Variants in AVPR1A observed in about 807,000 individuals in gnomAD.
The protein encoded by AVPR1A is vasopressin V1a receptor.
A neutral mutation model predicts 31.5 loss-of-function variants in AVPR1A; 31 were observed. The observed-to-expected ratio is 0.99, with a 90% CI of 0.74 to 1.33. The LOEUF (loss-of-function observed/expected upper bound fraction) is 1.33. AVPR1A is among the 40% of genes most tolerant of loss of function. The pLI, the probability that AVPR1A is intolerant of heterozygous loss-of-function variation, is 0.00. For synonymous variants in AVPR1A, 243 were observed against 233.2 expected, an observed-to-expected ratio of 1.04 and a Z score of -0.38; for missense variants, 570 against 575.2, an observed-to-expected ratio of 0.99 and a Z score of 0.09.
In AVPR1A at chr12:63,147,589, A is replaced by G; in HGVS notation, c.1027T>C (p.Cys343Arg). The change falls in exon 2 of 2, where the codon TGT becomes CGT. Residue 343 changes from cysteine to arginine, a missense_variant. Coordinates refer to ENST00000299178, the MANE Select transcript of AVPR1A (RefSeq NM_000706.5). ...TALLGSLNSC[C>R]NPWIYMFFSG... is the part of the protein sequence containing the mutation. ...AAAAACATGTATATCCAGGGATTAC[A>G]GCAGCTATTCAAGGAACCCAGTAAT... 1 of 1,614,150 alleles carries G rather than the reference A, an allele frequency of 6.2e-7. No homozygotes were observed. Among genetic ancestry groups the G allele is most frequent in the Non-Finnish European group, 8.5e-7 (1 of 1,179,974 alleles).
At position 63,151,037 on chromosome 12, in the gene AVPR1A, G is replaced by A; in HGVS notation, c.-201C>T. The A allele has an allele frequency of 4.1e-6, 3 of 738,072 alleles. No homozygotes were observed. Among genetic ancestry groups the A allele is most frequent in the East Asian group, 2.9e-5 (1 of 34,914 alleles). 45.7% of individuals were successfully genotyped at this position (738,072 alleles called of 1,614,324 possible). A position where few individuals can be genotyped will look rare whatever the true frequency, so the allele number is the denominator to read the frequency against. ...TGCCCACTGAGCAGCTCTCAGCAGGGTGAGCTGGCCCCTCTCCCTGCTCTG... is the reference window on the plus strand; with the variant it reads ...TGCCCACTGAGCAGCTCTCAGCAGGATGAGCTGGCCCCTCTCCCTGCTCTG... On this transcript the variant is annotated 5_prime_UTR_variant, in exon 1 of 2. Coordinates refer to ENST00000299178, the MANE Select transcript of AVPR1A (RefSeq NM_000706.5).
In AVPR1A at chr12:63,143,316, A is replaced by G. The variant is rs1355113941; in HGVS notation, c.*4043T>C. On this transcript the variant is annotated 3_prime_UTR_variant, in exon 2 of 2. Coordinates refer to ENST00000299178, the MANE Select transcript of AVPR1A (RefSeq NM_000706.5). ...TGTAAAAATGTGGGTATATACATACAAAAATACATAAAACTAAAAAGCAAA... is the reference window on the plus strand; with the variant it reads ...TGTAAAAATGTGGGTATATACATACGAAAATACATAAAACTAAAAAGCAAA... 1.3e-5 allele frequency: 2 copies of G among 152,130 alleles called. No homozygotes were observed. The highest frequency in any genetic ancestry group is 4.8e-5 in the African/African-American group (2 of 41,460). The allele number at this position is 152,130 out of a possible 1,614,324, so 9.4% of individuals were successfully genotyped here. A position where few individuals can be genotyped will look rare whatever the true frequency, so the allele number is the denominator to read the frequency against.
At chr12:63,147,703 T>C in intron 1 of AVPR1A, 58 bp from the exon 2 acceptor site, 1 of 1,529,200 alleles carries the variant, frequency 6.5e-7, no homozygotes, top group East Asian at 2.3e-5. Flanking sequence ...GATAAACTCA[T>C]TTTTCTATTA....
chr12:63,143,500 A>G lies in AVPR1A; in HGVS notation c.*3859T>C, dbSNP rs912707140. 6.6e-6 allele frequency: 1 copy of G among 152,204 alleles called. No individual in the cohort carries two copies. Among genetic ancestry groups the G allele is most frequent in the Non-Finnish European group, 1.5e-5 (1 of 68,030 alleles). The allele number at this position is 152,204 out of a possible 1,614,324, so 9.4% of individuals were successfully genotyped here. A position where few individuals can be genotyped will look rare whatever the true frequency, so the allele number is the denominator to read the frequency against. On this transcript the variant is annotated 3_prime_UTR_variant, in exon 2 of 2. Transcript: ENST00000299178. The stretch of plus-strand genomic sequence containing the variant: ...GGAATCTTAAAATGTGTGTGATTCG[A>G]ACCATTTACACTGTCTTAAGCACTC...
Position 63,145,314 on chromosome 12 carries a change from G to T in AVPR1A, c.*2045C>A, listed in dbSNP as rs1303771854. 2.2e-6 allele frequency: 1 copy of T among 450,646 alleles called. No homozygotes were observed. 27.9% of individuals were successfully genotyped at this position (450,646 alleles called of 1,614,324 possible). ...AGCCTAAGGGCTGAGAATTTCAAAA[G>T]GCAGAAGAATGAAGAGGAGTGAAGT... On this transcript the variant is annotated 3_prime_UTR_variant, in exon 2 of 2. Transcript: ENST00000299178.
chr12:63,147,266 T>G lies in AVPR1A; in HGVS notation c.*93A>C. 1 of 1,398,726 alleles carries G rather than the reference T, an allele frequency of 7.1e-7. No individual in the cohort carries two copies. The highest frequency in any genetic ancestry group is 2.0e-5 in the Admixed American group (1 of 51,144). The allele number at this position is 1,398,726 out of a possible 1,614,324, so 86.6% of individuals were successfully genotyped here. A position where few individuals can be genotyped will look rare whatever the true frequency, so the allele number is the denominator to read the frequency against. ...ACAATGAATTGATTTATGGTTATAT[T>G]AATAAAGTGTATTTGTTCTTGTGAT... On this transcript the variant is annotated 3_prime_UTR_variant, in exon 2 of 2. Transcript: ENST00000299178.
chr12:63,147,737 C>G, intron 1 of AVPR1A, 92 bp from the exon 2 acceptor site: 1 of 1,330,584 alleles, frequency 7.5e-7, no homozygotes, highest in South Asian at 1.5e-5. Context: ...GCATAAACTT[C>G]TGGATTATCA....
chr12:63,146,436 G>A lies in AVPR1A; in HGVS notation c.*923C>T, dbSNP rs1023177967. 2 of 152,152 alleles carry A rather than the reference G, an allele frequency of 1.3e-5. No homozygotes were observed. The highest frequency in any genetic ancestry group is 4.8e-5 in the African/African-American group (2 of 41,430). The allele number at this position is 152,152 out of a possible 1,614,324, so 9.4% of individuals were successfully genotyped here. ...TTTAGGATACTCATATTATGAATCT[G>A]AATTCCCCAAACATGAAGATAATGA... On this transcript the variant is annotated 3_prime_UTR_variant, in exon 2 of 2. Coordinates refer to ENST00000299178, the MANE Select transcript of AVPR1A (RefSeq NM_000706.5).
intron 1 of AVPR1A, among the ~76,000 whole-genome samples, chr12:63,147,846 A>C (rs934425324): frequency 9.5e-4 from 145 of 152,316 alleles, no homozygotes; most frequent in African/African-American, 3.2e-3. Flanking sequence ...CCTTAAAATT[A>C]ATTCAAGTAT....
At position 63,149,342 on chromosome 12, in the gene AVPR1A, ATC is replaced by A. The variant is rs539052637; in HGVS notation, c.970+523_970+524del. ...TCTCCAGCTTTCTTTAGAAATATAT[ATC>A]TGTTTCTATCCTTGCCCCTGAGGCA... On this transcript the variant is annotated intron_variant, in intron 1 of 1. Coordinates refer to ENST00000299178, the MANE Select transcript of AVPR1A (RefSeq NM_000706.5). Among the ~76,000 whole-genome samples the A allele has an allele frequency of 5.0e-3, 767 of 152,308 alleles. 21 individuals carry two copies. In the South Asian group the frequency reaches 0.052, roughly 10 times the overall value.
Position 63,150,176 on chromosome 12 carries a change from T to C in AVPR1A, c.661A>G (p.Thr221Ala). The C allele has an allele frequency of 6.2e-7, 1 of 1,613,884 alleles. No homozygotes were observed. Among genetic ancestry groups the C allele is most frequent in the Non-Finnish European group, 8.5e-7 (1 of 1,180,028 alleles). ...WGSRAYVTWM[T>A]GGIFVAPVVI... ...ACGGGCGCCACAAAGATGCCGCCCGTCATCCAGGTCACGTAGGCACGAGAA... is the reference window on the plus strand; with the variant it reads ...ACGGGCGCCACAAAGATGCCGCCCGCCATCCAGGTCACGTAGGCACGAGAA... Residue 221 changes from threonine (T) to alanine (A), a missense_variant, in exon 1 of 2, where the codon ACG (threonine) becomes GCG (alanine). By Grantham distance (58) the Thr-to-Ala change is moderately conservative. Transcript: ENST00000299178. This position sits in a 1 kb window ranked among gnomAD's most constrained non-coding sequence, Gnocchi z 4.9.
chr12:63,143,807 C>G lies in AVPR1A; in HGVS notation c.*3552G>C, dbSNP rs1053413646. The G allele has an allele frequency of 2.0e-5, 3 of 152,144 alleles. No homozygotes were observed. Among genetic ancestry groups the G allele is most frequent in the Non-Finnish European group, 4.4e-5 (3 of 68,030 alleles). The allele number at this position is 152,144 out of a possible 1,614,324, so 9.4% of individuals were successfully genotyped here. ...TCCAATATGAATAACCATAAGGCTC[C>G]AATTAACATGGGTTTGTCTAACCTC... On this transcript the variant is annotated 3_prime_UTR_variant, in exon 2 of 2. Transcript: ENST00000299178.
chr12:63,148,464 T>C (rs1458332516), intron 1 of AVPR1A, among the ~76,000 whole-genome samples: 2 of 152,194 alleles, frequency 1.3e-5, no homozygotes, highest in Non-Finnish European at 2.9e-5. Flanking sequence ...AGGTTATTAT[T>C]TAATCATACT....
At position 63,147,190 on chromosome 12, in the gene AVPR1A, T is replaced by C; in HGVS notation, c.*169A>G. The C allele has an allele frequency of 2.7e-6, 2 of 731,564 alleles. No individual in the cohort carries two copies. Among genetic ancestry groups the C allele is most frequent in the East Asian group, 2.7e-5 (1 of 36,858 alleles). 45.3% of individuals were successfully genotyped at this position (731,564 alleles called of 1,614,324 possible). A position where few individuals can be genotyped will look rare whatever the true frequency, so the allele number is the denominator to read the frequency against. ...CATTAATATTCCATACAAAATAATGTCTAGTTTTTGGTAGCAATATGAAAA... is the reference window on the plus strand; with the variant it reads ...CATTAATATTCCATACAAAATAATGCCTAGTTTTTGGTAGCAATATGAAAA... On this transcript the variant is annotated 3_prime_UTR_variant, in exon 2 of 2. Transcript: ENST00000299178.
At position 63,150,729 on chromosome 12, in the gene AVPR1A, C is replaced by T; in HGVS notation, c.108G>A (p.Gly36=). The change falls in exon 1 of 2, where the codon GGG becomes GGA. Residue 36 remains glycine, a synonymous_variant. Coordinates refer to ENST00000299178, the MANE Select transcript of AVPR1A (RefSeq NM_000706.5). This position sits in a 1 kb window ranked among gnomAD's most constrained non-coding sequence, Gnocchi z 4.9. The stretch of plus-strand genomic sequence containing the variant: ...CGTCCCTCGGTGGGCCGTTGCCCTC[C>T]CCGAGGGCTTCGGCCTCCCGGCTTG... The part of the protein sequence containing the change: ...GNTSREAEAL[G]EGNGPPRDVR... The T allele has an allele frequency of 1.2e-6, 2 of 1,603,358 alleles. No individual in the cohort carries two copies. The highest frequency in any genetic ancestry group is 1.7e-6 in the Non-Finnish European group (2 of 1,179,750).
rs1868359597 is a variant in AVPR1A, at chr12:63,146,348, G to T, written c.*1011C>A. Reference sequence around the variant, plus strand: ...CTTTGCAATTGTTAGATGAGTGAGAGATTGGAAAGACAAAGCTATTTTTAA... The same window carrying T: ...CTTTGCAATTGTTAGATGAGTGAGATATTGGAAAGACAAAGCTATTTTTAA... On this transcript the variant is annotated 3_prime_UTR_variant, in exon 2 of 2. Transcript: ENST00000299178. 6.6e-6 allele frequency: 1 copy of T among 152,176 alleles called. No individual in the cohort carries two copies. The highest frequency in any genetic ancestry group is 1.5e-5 in the Non-Finnish European group (1 of 68,034). The allele number at this position is 152,176 out of a possible 1,614,324, so 9.4% of individuals were successfully genotyped here. A position where few individuals can be genotyped will look rare whatever the true frequency, so the allele number is the denominator to read the frequency against.
rs999134421 is a variant in AVPR1A, at chr12:63,147,039, G to A, written c.*320C>T. 1.2e-5 allele frequency: 3 copies of A among 248,462 alleles called. No homozygotes were observed. The highest frequency in any genetic ancestry group is 1.9e-4 in the South Asian group (2 of 10,276). The allele number at this position is 248,462 out of a possible 1,614,324, so 15.4% of individuals were successfully genotyped here. A position where few individuals can be genotyped will look rare whatever the true frequency, so the allele number is the denominator to read the frequency against. ...AACCAATCAAGTCTTACTTATGTTAGAAATGAAAATAAAAGAAACTAACAA... is the reference window on the plus strand; with the variant it reads ...AACCAATCAAGTCTTACTTATGTTAAAAATGAAAATAAAAGAAACTAACAA... On this transcript the variant is annotated 3_prime_UTR_variant, in exon 2 of 2. Transcript: ENST00000299178.
rs1868358899 is a variant in AVPR1A, at chr12:63,146,291, G to A, written c.*1068C>T. On this transcript the variant is annotated 3_prime_UTR_variant, in exon 2 of 2. Coordinates refer to ENST00000299178, the MANE Select transcript of AVPR1A (RefSeq NM_000706.5). ...GCACAGAGCAGTTCTCTTTCCATCT[G>A]TCACCCATGTCCCAACCCTGTCTCA... 1 of 152,136 alleles carries A rather than the reference G, an allele frequency of 6.6e-6. No homozygotes were observed. The highest frequency in any genetic ancestry group is 1.5e-5 in the Non-Finnish European group (1 of 68,024). The allele number at this position is 152,136 out of a possible 1,614,324, so 9.4% of individuals were successfully genotyped here. A position where few individuals can be genotyped will look rare whatever the true frequency, so the allele number is the denominator to read the frequency against.
At position 63,150,928 on chromosome 12, in the gene AVPR1A, C is replaced by A; in HGVS notation, c.-92G>T. 7.0e-7 allele frequency: 1 copy of A among 1,434,692 alleles called. No homozygotes were observed. The highest frequency in any genetic ancestry group is 9.1e-7 in the Non-Finnish European group (1 of 1,099,386). The allele number at this position is 1,434,692 out of a possible 1,614,324, so 88.9% of individuals were successfully genotyped here. A position where few individuals can be genotyped will look rare whatever the true frequency, so the allele number is the denominator to read the frequency against. On this transcript the variant is annotated 5_prime_UTR_variant, in exon 1 of 2. Transcript: ENST00000299178. The surrounding 1 kb of genome is among the most constrained non-coding windows in gnomAD (Gnocchi z 4.9). The stretch of plus-strand genomic sequence containing the variant: ...TCTCGGAGGACTTGGGCTCCTCGTC[C>A]GAAGCGCAGGGTCTTTGGCGCGCTC...
Sources: gnomAD v4.1 joint callset for allele counts (sites outside exome capture counted in the v4.1 genomes callset) on GRCh38, gnomAD v4.1.1 for gene constraint, Gnocchi (gnomAD v3.1) non-coding constraint, MANE v1.5 for transcripts, NCBI Gene and HGNC (gene_info 2026-07-23, HGNC 2026-07-21) for gene names.